UNC13C: variants seen among roughly 807,000 people sequenced by gnomAD.
UNC13C encodes the protein protein unc-13 homolog C.
Under a neutral mutation model 245.4 loss-of-function variants are expected in UNC13C, and 174 were observed. The ratio of observed to expected loss-of-function variants is 0.71; its 90% confidence interval spans 0.63 to 0.80. The LOEUF (loss-of-function observed/expected upper bound fraction) is 0.80, where lower values mean the gene tolerates loss of function less well. UNC13C is among the 30% of genes least tolerant of loss of function. The pLI is 0.00. For synonymous variants in UNC13C, 992 were observed against 895.1 expected (o/e 1.11, Z -1.93); for missense variants, 2,829 against 2,602.9 (o/e 1.09, Z -1.89).
chr15:54,526,857 ATTAG>A (rs1172679842), intron 25 of UNC13C, among the ~76,000 whole-genome samples: 3 of 152,132 alleles, frequency 2.0e-5, no homozygotes, highest in African/African-American at 7.2e-5. Context: ...ACATTTATCA[ATTAG>A]TTATGCCATT....
At position 54,250,458 on chromosome 15, in the gene UNC13C, T is replaced by C; in HGVS notation, c.3448+14T>C. 5 of 1,588,552 alleles carry C rather than the reference T, an allele frequency of 3.1e-6. No individual in the cohort carries two copies. The highest frequency in any genetic ancestry group is 4.3e-6 in the Non-Finnish European group (5 of 1,167,056). On this transcript the variant is annotated intron_variant, in intron 8 of 32. Transcript: ENST00000260323. Reference sequence around the variant, plus strand: ...ACTGCTTGCAGAGTGAGTACTTGGTTTGGCTGAAAAAGTGGTATGCAGAGC... The same window carrying C: ...ACTGCTTGCAGAGTGAGTACTTGGTCTGGCTGAAAAAGTGGTATGCAGAGC...
At chr15:54,088,827 G>A (rs920105194) in intron 2 of UNC13C, among the ~76,000 whole-genome samples, 4 of 152,190 alleles carry the variant, frequency 2.6e-5, no homozygotes, top group African/African-American at 7.2e-5. Flanking sequence ...TTCTTGCATA[G>A]TTTACTGTTC....
chr15:54,073,754 G>T (rs1595810691), intron 2 of UNC13C, among the ~76,000 whole-genome samples: 1 of 152,112 alleles, frequency 6.6e-6, no homozygotes, highest in Admixed American at 6.6e-5. Flanking sequence ...ATTTGTTTAA[G>T]TTCTTTGTAG....
At chr15:54,181,700 G>GT (rs2033805799) in intron 4 of UNC13C, among the ~76,000 whole-genome samples, 1 of 151,750 alleles carries the variant, frequency 6.6e-6, no homozygotes, top group Non-Finnish European at 1.5e-5. Context: ...TTTCCCATTT[G>GT]TTTGTTTCAC....
At chr15:54,108,247 C>T (rs772165273) in intron 2 of UNC13C, among the ~76,000 whole-genome samples, 85 of 152,130 alleles carry the variant, frequency 5.6e-4, no homozygotes, top group Non-Finnish European at 4.0e-4. Flanking sequence ...AGTGCAGTGG[C>T]GCGATCTTGG....
intron 1 of UNC13C, among the ~76,000 whole-genome samples, chr15:54,000,791 G>A (rs968847873): frequency 7.2e-5 from 11 of 152,014 alleles, no homozygotes; most frequent in South Asian, 2.1e-4. Context: ...CTCGAGGTGC[G>A]GCACTCTTTA....
rs559878730 is a variant in UNC13C at position 54,389,385 on chromosome 15, C to A, written c.4714-3663C>A. ...ACCCTAGACCTACTGAATCAGGAAC[C>A]ATGGGTCCCAGGACCTAGCAACCTG... On this transcript the variant is annotated intron_variant, in intron 17 of 32. Transcript: ENST00000260323. 5.9e-5 allele frequency among the ~76,000 whole-genome samples: 9 copies of A among 152,342 alleles called. No homozygotes were observed. The South Asian group carries it at 1.9e-3, about 32-fold the overall frequency.
chr15:54,264,745 T>C (rs1273273095), intron 9 of UNC13C, among the ~76,000 whole-genome samples: 2 of 151,800 alleles, frequency 1.3e-5, no homozygotes, highest in African/African-American at 4.8e-5. Context: ...AGAAAAGCGA[T>C]GTTATTTTAC....
At chr15:53,865,159 C>T in the UNC13C span, among the ~76,000 whole-genome samples, 2 of 152,182 alleles carry the variant, frequency 1.3e-5, no homozygotes, top group Non-Finnish European at 2.9e-5. Context: ...TACTGAGAAA[C>T]ATTTCTGTAG....
chr15:54,593,767 G>A (rs1301120597), intron 30 of UNC13C, among the ~76,000 whole-genome samples: 1 of 151,972 alleles, frequency 6.6e-6, no homozygotes, highest in Admixed American at 6.6e-5. Flanking sequence ...CTTGCACCAG[G>A]CTTTGCCTTT....
intron 1 of UNC13C, among the ~76,000 whole-genome samples, chr15:54,005,630 A>G (rs1000526435): frequency 1.3e-5 from 2 of 152,234 alleles, no homozygotes; most frequent in African/African-American, 4.8e-5. Context: ...ACTAAATATC[A>G]TGGTTCAGAC....
chr15:54,246,009 T>C (rs971852238), intron 7 of UNC13C, among the ~76,000 whole-genome samples: 1 of 152,174 alleles, frequency 6.6e-6, no homozygotes, highest in African/African-American at 2.4e-5. Flanking sequence ...GTTCATGTTA[T>C]AATTATTAAC....
At chr15:54,255,610 T>A (rs1241340481) in intron 8 of UNC13C, among the ~76,000 whole-genome samples, 1 of 152,188 alleles carries the variant, frequency 6.6e-6, no homozygotes, top group South Asian at 2.1e-4. Flanking sequence ...TCCCGCTGCC[T>A]ATGTGTTTGC....
intron 14 of UNC13C, among the ~76,000 whole-genome samples, chr15:54,329,078 C>A (rs2038369964): frequency 1.2e-5 from 1 of 83,854 alleles, no homozygotes; most frequent in African/African-American, 5.8e-5. Flanking sequence ...CTAATTAAAC[C>A]AAGTTTTTTT....
chr15:54,077,331 A>G (rs949314961), intron 2 of UNC13C, among the ~76,000 whole-genome samples: 1 of 149,894 alleles, frequency 6.7e-6, no homozygotes, highest in African/African-American at 2.5e-5. Context: ...TCATTCTTAA[A>G]ACATCTATTT....
chr15:54,623,608 A>G (rs1440839712), intron 31 of UNC13C, among the ~76,000 whole-genome samples, 187 bp from the exon 32 acceptor site: 1 of 152,214 alleles, frequency 6.6e-6, no homozygotes, highest in Non-Finnish European at 1.5e-5. Flanking sequence ...TACACAGCTT[A>G]AAGCTGAAAG....
intron 4 of UNC13C, among the ~76,000 whole-genome samples, chr15:54,159,739 T>C (rs907428943): frequency 2.0e-5 from 3 of 152,200 alleles, no homozygotes; most frequent in African/African-American, 4.8e-5. Context: ...GAGTGCCAGA[T>C]TGGAAGGGCC....
chr15:53,958,717 A>G, the UNC13C span, among the ~76,000 whole-genome samples: 2 of 152,192 alleles, frequency 1.3e-5, no homozygotes, highest in African/African-American at 4.8e-5. Context: ...TCCACATGAT[A>G]GTTTGATACC....
intron 19 of UNC13C, among the ~76,000 whole-genome samples, chr15:54,450,501 C>A (rs1487233497): frequency 6.6e-6 from 1 of 152,262 alleles, no homozygotes; most frequent in African/African-American, 2.4e-5. Context: ...TCGCTGCTGC[C>A]TTGCAGATGG....
Sources: allele counts gnomAD v4.1 joint callset (sites outside exome capture counted in the v4.1 genomes callset), GRCh38; gene constraint gnomAD v4.1.1; transcripts MANE v1.5; gene names NCBI Gene and HGNC (gene_info 2026-07-23, HGNC 2026-07-21).